The following G2E3 variants were observed in gnomAD, a reference collection of about 807,000 sequenced individuals.
The protein encoded by G2E3 is G2/M-phase specific E3 ubiquitin protein ligase.
In G2E3, 35 loss-of-function variants were observed where a neutral mutation model predicts 92.8. That is an observed-to-expected ratio of 0.38 (90% confidence interval 0.29 to 0.50). The LOEUF (loss-of-function observed/expected upper bound fraction) is 0.50, where lower values mean the gene tolerates loss of function less well. Ranked by LOEUF, G2E3 falls within the 20% of genes least tolerant of loss-of-function variation. The pLI is 0.94. For synonymous variants in G2E3, 242 were observed against 272.4 expected, an observed-to-expected ratio of 0.89 and a Z score of 1.10; for missense variants, 554 against 823.8, an observed-to-expected ratio of 0.67 and a Z score of 4.01.
At position 30,619,154 on chromosome 14, in the gene G2E3, T is replaced by C. The variant is rs1010470513; in HGVS notation, c.*2620T>C. 2.0e-5 allele frequency: 3 copies of C among 152,142 alleles called. No homozygotes were observed. The highest frequency in any genetic ancestry group is 4.4e-5 in the Non-Finnish European group (3 of 67,952). 9.4% of individuals were successfully genotyped at this position (152,142 alleles called of 1,614,324 possible). A position where few individuals can be genotyped will look rare whatever the true frequency, so the allele number is the denominator to read the frequency against. On this transcript the variant is annotated 3_prime_UTR_variant, in exon 15 of 15. Coordinates refer to ENST00000206595, the MANE Select transcript of G2E3 (RefSeq NM_017769.5). ...CACCAGAAACTTACAATTTTATACTTTGTAATTTTTAGTTTCTGTAATTTG... is the reference window on the plus strand; with the variant it reads ...CACCAGAAACTTACAATTTTATACTCTGTAATTTTTAGTTTCTGTAATTTG...
rs1881914897 is a variant in G2E3 at position 30,608,061 on chromosome 14, A to G, written c.1492A>G (p.Ile498Val). Reference sequence around the variant, plus strand: ...TTCAGACTTTGATGTGGCACAGATTATAATCAGGGTAAGCAATGTATCTGT... The same window carrying G: ...TTCAGACTTTGATGTGGCACAGATTGTAATCAGGGTAAGCAATGTATCTGT... ...DVSDFDVAQI[I>V]IRINTATTVA... The change falls in exon 12 of 15, where the codon ATA becomes GTA. Residue 498 changes from isoleucine to valine, a missense_variant. Physicochemically the swap from Ile to Val is conservative, Grantham distance 29. Around this residue, in one of 3 missense-constraint regions of G2E3, gnomAD observed 397 missense variants for 560.3 expected, o/e 0.71. Coordinates refer to ENST00000206595, the MANE Select transcript of G2E3 (RefSeq NM_017769.5). 2.5e-6 allele frequency: 4 copies of G among 1,572,454 alleles called. No individual in the cohort carries two copies. Among genetic ancestry groups the G allele is most frequent in the Non-Finnish European group, 3.4e-6 (4 of 1,160,162 alleles).
chr14:30,616,487 A>G lies in G2E3; in HGVS notation c.2074A>G (p.Thr692Ala). Residue 692 changes from threonine (T) to alanine (A), a missense_variant, in exon 15 of 15, where the codon ACT (threonine) becomes GCT (alanine). Physicochemically the swap from Thr to Ala is moderately conservative, Grantham distance 58. Coordinates refer to ENST00000206595, the MANE Select transcript of G2E3 (RefSeq NM_017769.5). The stretch of plus-strand genomic sequence containing the variant: ...AAATATGGACTTCACCATAAGAAAC[A>G]CTCTAAGACTAGAAAAGGAAGAAAG... ...QENMDFTIRN[T>A]LRLEKEESSH... The G allele has an allele frequency of 1.9e-6, 3 of 1,602,750 alleles. No homozygotes were observed. The highest frequency in any genetic ancestry group is 2.6e-6 in the Non-Finnish European group (3 of 1,171,640).
intron 1 of G2E3, chr14:30,560,142 A>C (rs1410598091): frequency 1.3e-5 from 2 of 150,040 alleles, no homozygotes; most frequent in Non-Finnish European, 3.0e-5. Flanking sequence ...ATGATGAACT[A>C]TCTGAAATAT....
At chr14:30,561,027 T>C (rs940943145) in intron 1 of G2E3, among the ~76,000 whole-genome samples, 4 of 152,198 alleles carry the variant, frequency 2.6e-5, no homozygotes, top group East Asian at 1.9e-4. Context: ...CCCTCTACCG[T>C]ATGATGAGGT....
chr14:30,575,638 G>A (rs1030611021), intron 1 of G2E3, among the ~76,000 whole-genome samples: 1 of 152,166 alleles, frequency 6.6e-6, no homozygotes, highest in Admixed American at 6.5e-5. Flanking sequence ...TGGCCCAAAA[G>A]CTTCTCCAGC....
chr14:30,590,579 G>T, intron 4 of G2E3: 4 of 441,346 alleles, frequency 9.1e-6, no homozygotes, highest in South Asian at 4.8e-5. Context: ...ATTCAAGAAG[G>T]TCTACAAGGG....
intron 1 of G2E3, among the ~76,000 whole-genome samples, chr14:30,566,725 G>C (rs1217244614): frequency 1.3e-5 from 2 of 152,078 alleles, no homozygotes; most frequent in East Asian, 3.9e-4. Flanking sequence ...TAGACCTTCT[G>C]GTTCAGTGTT....
chr14:30,583,598 A>G (rs1880547247), intron 2 of G2E3, among the ~76,000 whole-genome samples: 2 of 152,242 alleles, frequency 1.3e-5, no homozygotes, highest in South Asian at 2.1e-4. Flanking sequence ...CTGTTGTACA[A>G]CATGGTGACT....
intron 1 of G2E3, among the ~76,000 whole-genome samples, chr14:30,562,231 T>C (rs1440876936): frequency 6.6e-6 from 1 of 152,140 alleles, no homozygotes; most frequent in Admixed American, 6.5e-5. Context: ...TGTTCCAGTA[T>C]AATAAAATAA....
At chr14:30,607,529 TA>T (rs1278370486) in intron 11 of G2E3, among the ~76,000 whole-genome samples, 1 of 152,118 alleles carries the variant, frequency 6.6e-6, no homozygotes, top group Admixed American at 6.5e-5. Flanking sequence ...ATAACATCAC[TA>T]GGTCATAGGA....
At chr14:30,590,975 C>T in intron 4 of G2E3, 2 of 224,856 alleles carry the variant, frequency 8.9e-6, no homozygotes, top group South Asian at 1.2e-4. Flanking sequence ...ATCCAAAACC[C>T]AAAATGTTCC....
At chr14:30,592,952 G>C (rs1407670523) in intron 5 of G2E3, among the ~76,000 whole-genome samples, 1 of 152,094 alleles carries the variant, frequency 6.6e-6, no homozygotes, top group Non-Finnish European at 1.5e-5. Flanking sequence ...GGTATCATAA[G>C]TATTCCATTT....
chr14:30,566,959 C>G (rs1313438811), intron 1 of G2E3, among the ~76,000 whole-genome samples: 1 of 152,126 alleles, frequency 6.6e-6, no homozygotes, highest in South Asian at 2.1e-4. Context: ...TTTCCTTTTT[C>G]TCTATTAGTA....
intron 2 of G2E3, 34 bp downstream of exon 2, chr14:30,581,150 A>G (rs775251004): frequency 5.1e-6 from 6 of 1,181,724 alleles, no homozygotes; most frequent in African/African-American, 4.5e-5. Context: ...TTTTATTACA[A>G]TGAGTGTTTT....
chr14:30,573,571 A>G (rs1479725510), intron 1 of G2E3: 1 of 152,070 alleles, frequency 6.6e-6, no homozygotes, highest in Non-Finnish European at 1.5e-5. Flanking sequence ...AAAGTCCCGC[A>G]GTGTAGTTTG....
At chr14:30,581,330 T>C (rs1326579993) in intron 2 of G2E3, among the ~76,000 whole-genome samples, 1 of 152,108 alleles carries the variant, frequency 6.6e-6, no homozygotes, top group African/African-American at 2.4e-5. Flanking sequence ...ATATAAGATA[T>C]GGTTCGTATC....
intron 12 of G2E3, 88 bp downstream of exon 12, chr14:30,608,157 T>G: frequency 1.3e-6 from 1 of 751,420 alleles, no homozygotes; most frequent in Non-Finnish European, 2.1e-6. Context: ...AATAATAGTA[T>G]TATCTATGAA....
intron 13 of G2E3, among the ~76,000 whole-genome samples, chr14:30,612,831 T>G (rs2138916468): frequency 6.6e-6 from 1 of 152,276 alleles, no homozygotes; most frequent in South Asian, 2.1e-4. Context: ...CACTCCAGCC[T>G]GGGTGACAGA....
intron 1 of G2E3, among the ~76,000 whole-genome samples, chr14:30,566,112 T>C (rs1212063069): frequency 6.6e-6 from 1 of 152,234 alleles, no homozygotes; most frequent in East Asian, 1.9e-4. Context: ...TCTTTTCTAT[T>C]GATGTGTATG....
Sources: allele counts gnomAD v4.1 joint callset (sites outside exome capture counted in the v4.1 genomes callset), GRCh38; gene constraint gnomAD v4.1.1; regional missense constraint gnomAD v4.1.1; transcripts MANE v1.5; gene names NCBI Gene and HGNC (gene_info 2026-07-23, HGNC 2026-07-21).